GARNL3: variants seen among roughly 807,000 people sequenced by gnomAD.
The protein encoded by GARNL3 is GTPase activating Rap/RanGAP domain like 3, also known as GTPase-activating Rap/Ran-GAP domain-like protein 3.
Under a neutral mutation model 125.0 loss-of-function variants are expected in GARNL3, and 63 were observed. The observed-to-expected ratio is 0.50, with a 90% confidence interval of 0.41 to 0.62. The LOEUF (loss-of-function observed/expected upper bound fraction) is 0.62, where lower values mean the gene tolerates loss of function less well. GARNL3 is among the 20% of genes least tolerant of loss of function. The pLI is 0.00. For synonymous variants in GARNL3, 439 were observed against 457.5 expected (o/e 0.96, Z 0.52); for missense variants, 994 against 1,244.0 (o/e 0.80, Z 3.02).
intron 2 of GARNL3, among the ~76,000 whole-genome samples, chr9:127,258,456 A>G (rs1341046754): frequency 6.6e-6 from 1 of 152,110 alleles, no homozygotes; most frequent in Non-Finnish European, 1.5e-5. Context: ...CCAGGACAGC[A>G]TGGCAAAATC....
chr9:127,383,627 C>A, intron 23 of GARNL3, 82 bp downstream of exon 23: 1 of 824,510 alleles, frequency 1.2e-6, no homozygotes, highest in Non-Finnish European at 2.0e-6. Context: ...GTAAGCAAAT[C>A]ACTGGCTTAC....
At chr9:127,391,915 T>C (rs1832890333) in intron 27 of GARNL3, among the ~76,000 whole-genome samples, 1 of 152,148 alleles carries the variant, frequency 6.6e-6, no homozygotes, top group Admixed American at 6.5e-5. Flanking sequence ...TGGGGAGTGA[T>C]AGTTCGTATG....
chr9:127,302,156 A>G (rs1219988778), intron 2 of GARNL3, among the ~76,000 whole-genome samples: 1 of 151,472 alleles, frequency 6.6e-6, no homozygotes, highest in Non-Finnish European at 1.5e-5. Context: ...GTCAGCCAGG[A>G]TGGTCTCGAT....
At chr9:127,263,134 C>T (rs776418858), upstream of GARNL3, among the ~76,000 whole-genome samples, 2 of 152,070 alleles carry the variant, frequency 1.3e-5, no homozygotes, top group African/African-American at 4.8e-5. Context: ...TTTCATAGGA[C>T]GTTGTTTTCC....
intron 1 of GARNL3, among the ~76,000 whole-genome samples, chr9:127,233,758 G>A (rs753517938): frequency 4.1e-4 from 62 of 152,254 alleles, no homozygotes; most frequent in African/African-American, 1.1e-3. Flanking sequence ...GAACAAATTC[G>A]ATGCCAAGAC....
intron 17 of GARNL3, 197 bp from the exon 18 acceptor site, chr9:127,353,649 A>G (rs1397036779): frequency 1.7e-6 from 1 of 582,278 alleles, no homozygotes; most frequent in Non-Finnish European, 3.1e-6. Context: ...ATGGGAAGAA[A>G]GCATCAGTAC....
At chr9:127,273,975 C>A (rs1435461722) in intron 1 of GARNL3, among the ~76,000 whole-genome samples, 1 of 152,192 alleles carries the variant, frequency 6.6e-6, no homozygotes, top group Non-Finnish European at 1.5e-5. Flanking sequence ...TATTTACCTA[C>A]ACTTGATTTT....
intron 1 of GARNL3, among the ~76,000 whole-genome samples, chr9:127,227,411 G>A (rs1483175926): frequency 3.3e-5 from 5 of 152,076 alleles, no homozygotes; most frequent in Non-Finnish European, 5.9e-5. Flanking sequence ...GACCAGCTTG[G>A]CCAACATGGT....
At chr9:127,319,560 A>G (rs980234461) in intron 5 of GARNL3, among the ~76,000 whole-genome samples, 1 of 152,124 alleles carries the variant, frequency 6.6e-6, no homozygotes. Context: ...TTTGGTCTCC[A>G]GATTGCAGAC....
chr9:127,240,992 A>G (rs1261284563), intron 1 of GARNL3, among the ~76,000 whole-genome samples: 1 of 152,234 alleles, frequency 6.6e-6, no homozygotes, highest in Non-Finnish European at 1.5e-5. Context: ...TATTAATGAG[A>G]TGTTTTGAAT....
At chr9:127,263,055 A>T (rs1052492148), upstream of GARNL3, among the ~76,000 whole-genome samples, 4 of 152,218 alleles carry the variant, frequency 2.6e-5, no homozygotes, top group East Asian at 7.7e-4. Context: ...ATATTGAATG[A>T]AATGTAATAT....
At chr9:127,246,557 G>A (rs1249909107) in intron 2 of GARNL3, among the ~76,000 whole-genome samples, 1 of 152,300 alleles carries the variant, frequency 6.6e-6, no homozygotes, top group South Asian at 2.1e-4. Context: ...CTTAATCCCA[G>A]GACTTTGAGA....
chr9:127,240,351 G>A (rs7019618), intron 1 of GARNL3, among the ~76,000 whole-genome samples: 24,535 of 152,036 alleles, frequency 0.16, 6,076 homozygotes, highest in African/African-American at 0.54. Context: ...ATGGTAACTC[G>A]CAGGTGAACT....
At chr9:127,319,781 TTACTC>T (rs1440461167) in intron 5 of GARNL3, among the ~76,000 whole-genome samples, 2 of 152,220 alleles carry the variant, frequency 1.3e-5, no homozygotes, top group East Asian at 1.9e-4. Context: ...AAAAAGAAGT[TTACTC>T]TAGCTCCTTT....
chr9:127,261,054 G>A (rs1036905174), upstream of GARNL3, among the ~76,000 whole-genome samples: 3 of 151,996 alleles, frequency 2.0e-5, no homozygotes, highest in East Asian at 1.9e-4. Flanking sequence ...TCAGGAGTTC[G>A]AGACCAGCCT....
chr9:127,327,249 G>A (rs190855152), intron 7 of GARNL3, among the ~76,000 whole-genome samples: 7 of 152,276 alleles, frequency 4.6e-5, no homozygotes, highest in Admixed American at 6.5e-5. Flanking sequence ...CCTTCTTCAC[G>A]GAGCTTACAG....
In GARNL3 at chr9:127,384,927, T is replaced by C. The variant is rs1467513571; in HGVS notation, c.2270-100T>C. ...GAGAAGCAGCCAGAGGAATGAGAGATGGAAGTTTCTAGAGAAGTGAGTGTG... is the reference window on the plus strand; with the variant it reads ...GAGAAGCAGCCAGAGGAATGAGAGACGGAAGTTTCTAGAGAAGTGAGTGTG... On this transcript the variant is annotated intron_variant, in intron 23 of 27. Coordinates refer to ENST00000373387, the MANE Select transcript of GARNL3 (RefSeq NM_032293.5). The surrounding 1 kb of genome is among the most constrained non-coding windows in gnomAD (Gnocchi z 4.0). The C allele has an allele frequency of 1.6e-6, 1 of 613,246 alleles. No homozygotes were observed. Among genetic ancestry groups the C allele is most frequent in the Non-Finnish European group, 2.9e-6 (1 of 344,222 alleles). The allele number at this position is 613,246 out of a possible 1,614,324, so 38.0% of individuals were successfully genotyped here.
At chr9:127,350,215 A>G (rs187116231) in intron 17 of GARNL3, among the ~76,000 whole-genome samples, 1 of 152,334 alleles carries the variant, frequency 6.6e-6, no homozygotes, top group Non-Finnish European at 1.5e-5. Flanking sequence ...AAATTACAAA[A>G]TGATTGGAAA....
At chr9:127,226,431 G>A (rs939627184) in intron 1 of GARNL3, among the ~76,000 whole-genome samples, 1 of 152,200 alleles carries the variant, frequency 6.6e-6, no homozygotes, top group Non-Finnish European at 1.5e-5. Flanking sequence ...GCATCGCGGG[G>A]GCAGAGAACA....
Sources: allele counts gnomAD v4.1 joint callset (sites outside exome capture counted in the v4.1 genomes callset), GRCh38; gene constraint gnomAD v4.1.1; non-coding constraint Gnocchi (gnomAD v3.1); transcripts MANE v1.5; gene names NCBI Gene and HGNC (gene_info 2026-07-23, HGNC 2026-07-21).